Variants in TENM3 observed in about 807,000 individuals in gnomAD.
TENM3 encodes the protein teneurin transmembrane protein 3, also known as teneurin-3.
TENM3 carries 63 observed loss-of-function variants against 255.1 expected under a neutral mutation model. The ratio of observed to expected loss-of-function variants is 0.25; its 90% CI spans 0.20 to 0.30. The LOEUF (loss-of-function observed/expected upper bound fraction) is 0.30. Ranked by LOEUF, TENM3 falls within the 10% of genes least tolerant of loss-of-function variation. The pLI, the probability that TENM3 is intolerant of heterozygous loss-of-function variation, is 1.00. For missense variants in TENM3, 2,929 were observed against 3,461.1 expected, an observed-to-expected ratio of 0.85 and a Z score of 3.86; for synonymous variants, 1,306 against 1,322.3, an observed-to-expected ratio of 0.99 and a Z score of 0.27.
intron 3 of TENM3, among the ~76,000 whole-genome samples, chr4:182,348,296 C>T (rs1400106615): frequency 6.6e-6 from 1 of 152,126 alleles, no homozygotes; most frequent in Non-Finnish European, 1.5e-5. Context: ...ACATTTCTCT[C>T]AGTTAATCCA....
chr4:181,508,892 CTTTTTTTTTTTTTTTT>C, the TENM3 span, among the ~76,000 whole-genome samples: 315 of 53,822 alleles, frequency 5.9e-3, 3 homozygotes, highest in African/African-American at 0.024. Flanking sequence ...ATTTCCAACA[CTTTTTTTTTTTTTTTT>C]TTTTTTTTTT....
chr4:182,175,499 G>A (rs563049678), intron 1 of TENM3, among the ~76,000 whole-genome samples: 2 of 152,132 alleles, frequency 1.3e-5, no homozygotes, highest in East Asian at 3.9e-4. Context: ...GAATGAAGGG[G>A]CAGACCCATA....
At chr4:182,290,459 C>T (rs770151643) in intron 1 of TENM3, among the ~76,000 whole-genome samples, 3 of 152,116 alleles carry the variant, frequency 2.0e-5, no homozygotes, top group Admixed American at 6.5e-5. Context: ...CCAAACTTGG[C>T]GACTTTAAAA....
rs766604275 is a variant in TENM3 at position 182,792,692 on chromosome 4, T to C, written c.6020T>C (p.Phe2007Ser). The change falls in exon 26 of 28, where the codon TTT (phenylalanine) becomes TCT (serine). Residue 2007 changes from phenylalanine to serine, a missense_variant. Physicochemically the swap from Phe to Ser is radical, Grantham distance 155. Coordinates refer to ENST00000511685, the MANE Select transcript of TENM3 (RefSeq NM_001080477.4). This position sits in a 1 kb window ranked among gnomAD's most constrained non-coding sequence, Gnocchi z 6.3. ...CTGATTGACAGGCAGATTTTCCGCT[T>C]TAGTGAAGATGGGATGGTAAATGCA... The part of the protein sequence containing the change: ...GPLIDRQIFR[F>S]SEDGMVNARF... 9 of 1,613,922 alleles carry C rather than the reference T, an allele frequency of 5.6e-6. No homozygotes were observed. The highest frequency in any genetic ancestry group is 7.6e-6 in the Non-Finnish European group (9 of 1,179,886).
the TENM3 span, among the ~76,000 whole-genome samples, chr4:181,477,178 C>A: frequency 1.3e-5 from 2 of 152,090 alleles, no homozygotes; most frequent in African/African-American, 4.8e-5. Context: ...CTTCCACCAC[C>A]GGCTAGTTCT....
At chr4:182,236,213 T>C (rs1756893580) in intron 1 of TENM3, among the ~76,000 whole-genome samples, 2 of 152,220 alleles carry the variant, frequency 1.3e-5, no homozygotes, top group Admixed American at 1.3e-4. Flanking sequence ...AAACAAGTAA[T>C]ATATAATTAT....
At chr4:181,888,525 T>TACATATATATATATAC in the TENM3 span, among the ~76,000 whole-genome samples, 148 of 99,846 alleles carry the variant, frequency 1.5e-3, 9 homozygotes, top group African/African-American at 6.9e-3. Context: ...TGTATATATA[T>TACATATATATATATAC]ACATATATGT....
At chr4:181,624,208 AGGCTCTGTT>A in the TENM3 span, among the ~76,000 whole-genome samples, 1 of 152,200 alleles carries the variant, frequency 6.6e-6, no homozygotes, top group South Asian at 2.1e-4. Context: ...GGTCAGCTGG[AGGCTCTGTT>A]TGACTTGTCC....
chr4:181,900,980 C>A, the TENM3 span, among the ~76,000 whole-genome samples: 1 of 152,180 alleles, frequency 6.6e-6, no homozygotes, highest in Non-Finnish European at 1.5e-5. Context: ...AGGTAGACTT[C>A]CGTATTTTTA....
chr4:181,872,256 T>TTATA, the TENM3 span, among the ~76,000 whole-genome samples: 8 of 151,462 alleles, frequency 5.3e-5, no homozygotes, highest in South Asian at 2.1e-4. Flanking sequence ...TATATAATAT[T>TTATA]TATATATCTA....
At chr4:181,848,458 T>C in the TENM3 span, among the ~76,000 whole-genome samples, 1 of 152,140 alleles carries the variant, frequency 6.6e-6, no homozygotes, top group African/African-American at 2.4e-5. Flanking sequence ...ATGACCTCAC[T>C]GCAGTGCAAT....
At chr4:182,123,238 T>A in the TENM3 span, among the ~76,000 whole-genome samples, 1 of 152,230 alleles carries the variant, frequency 6.6e-6, no homozygotes, top group Non-Finnish European at 1.5e-5. Context: ...GTGAAGCTGT[T>A]TCACTTTTTT....
At chr4:181,979,451 T>G in the TENM3 span, among the ~76,000 whole-genome samples, 7 of 151,882 alleles carry the variant, frequency 4.6e-5, no homozygotes, top group East Asian at 3.9e-4. Flanking sequence ...TAGAAAAAAA[T>G]TATGGCTGAA....
At chr4:182,369,225 A>G (rs1766630759) in intron 3 of TENM3, among the ~76,000 whole-genome samples, 4 of 152,194 alleles carry the variant, frequency 2.6e-5, no homozygotes. Context: ...TTTACTCAAC[A>G]CTTATTATGT....
the TENM3 span, among the ~76,000 whole-genome samples, chr4:181,794,495 G>T: frequency 4.6e-5 from 7 of 152,082 alleles, no homozygotes. Flanking sequence ...TCTATTCTAT[G>T]AATTTGACTT....
the TENM3 span, among the ~76,000 whole-genome samples, chr4:181,936,234 A>G: frequency 2.6e-5 from 4 of 152,124 alleles, no homozygotes; most frequent in African/African-American, 7.2e-5. Context: ...TCTACTAAAA[A>G]TACAAAAAAA....
intron 4 of TENM3, among the ~76,000 whole-genome samples, chr4:182,609,284 T>A (rs1309742018): frequency 2.0e-5 from 3 of 152,254 alleles, no homozygotes; most frequent in Non-Finnish European, 4.4e-5. Flanking sequence ...TGTTTTTCTC[T>A]GGAATTTCAT....
the TENM3 span, among the ~76,000 whole-genome samples, chr4:181,883,546 C>T: frequency 8.7e-4 from 132 of 152,274 alleles, 1 homozygote; most frequent in African/African-American, 3.1e-3. Flanking sequence ...GCGATCTCGG[C>T]TCACTGCAAG....
At chr4:182,162,514 C>A (rs1751422041) in intron 1 of TENM3, among the ~76,000 whole-genome samples, 1 of 152,156 alleles carries the variant, frequency 6.6e-6, no homozygotes, top group Non-Finnish European at 1.5e-5. Flanking sequence ...GGGTTTGTTC[C>A]AGTGCCATCT....
Sources: gnomAD v4.1 joint callset for allele counts (sites outside exome capture counted in the v4.1 genomes callset) on GRCh38, gnomAD v4.1.1 for gene constraint, Gnocchi (gnomAD v3.1) non-coding constraint, MANE v1.5 for transcripts, NCBI Gene and HGNC (gene_info 2026-07-23, HGNC 2026-07-21) for gene names.